The following GLIS3 variants were observed in gnomAD, a reference collection of about 807,000 sequenced individuals.
GLIS3 encodes the protein GLIS family zinc finger 3.
In GLIS3, 53 loss-of-function variants were observed where a neutral mutation model predicts 78.6. The ratio of observed to expected loss-of-function variants is 0.67; its 90% CI spans 0.54 to 0.85. The LOEUF is 0.85. Ranked by LOEUF, GLIS3 falls within the 40% of genes least tolerant of loss-of-function variation. The pLI is 0.00. For synonymous variants in GLIS3, 684 were observed against 509.9 expected (o/e 1.34, Z -4.60); for missense variants, 1,703 against 1,231.1 (o/e 1.38, Z -5.74).
At chr9:3,953,040 G>A (rs1371170294) in intron 4 of GLIS3, among the ~76,000 whole-genome samples, 2 of 152,128 alleles carry the variant, frequency 1.3e-5, no homozygotes, top group Non-Finnish European at 2.9e-5. Context: ...ATGTATTCTT[G>A]GGCTGGTGAA....
intron 2 of GLIS3, among the ~76,000 whole-genome samples, chr9:4,195,409 C>G (rs1054147184): frequency 6.6e-6 from 1 of 152,322 alleles, no homozygotes; most frequent in African/African-American, 2.4e-5. Flanking sequence ...GCCGGTGCCA[C>G]CGGCCCCAGA....
the GLIS3 span, among the ~76,000 whole-genome samples, chr9:4,477,003 G>T: frequency 6.6e-6 from 1 of 152,048 alleles, no homozygotes; most frequent in East Asian, 1.9e-4. Context: ...AAACAGTACG[G>T]CAGTTCCTCA....
intron 6 of GLIS3, among the ~76,000 whole-genome samples, chr9:3,924,056 C>A (rs919045144): frequency 2.0e-5 from 3 of 152,224 alleles, no homozygotes; most frequent in African/African-American, 7.2e-5. Context: ...AAGTCAATAA[C>A]CCCTGAATAT....
chr9:4,112,406 C>G (rs138577122), intron 4 of GLIS3, among the ~76,000 whole-genome samples: 1 of 152,208 alleles, frequency 6.6e-6, no homozygotes, highest in African/African-American at 2.4e-5. Flanking sequence ...ATCCCTGCAT[C>G]TTAACAGAAG....
At chr9:3,956,030 A>C (rs1349826929) in intron 4 of GLIS3, among the ~76,000 whole-genome samples, 2 of 57,028 alleles carry the variant, frequency 3.5e-5, no homozygotes, top group Non-Finnish European at 7.6e-5. Flanking sequence ...AGATTCAGCA[A>C]AAAAAAAAAA....
At chr9:3,858,890 C>T (rs914149658) in intron 8 of GLIS3, among the ~76,000 whole-genome samples, 2 of 152,096 alleles carry the variant, frequency 1.3e-5, no homozygotes, top group Admixed American at 6.6e-5. Context: ...CAGATAGAAT[C>T]CATTTTGTTA....
intron 4 of GLIS3, among the ~76,000 whole-genome samples, chr9:4,009,867 T>C (rs1469740540): frequency 1.3e-5 from 2 of 152,166 alleles, no homozygotes; most frequent in African/African-American, 4.8e-5. Context: ...AGGAGGGGTC[T>C]GGCCGCCCCG....
At chr9:4,153,590 G>A (rs1337949595) in intron 2 of GLIS3, among the ~76,000 whole-genome samples, 1 of 152,128 alleles carries the variant, frequency 6.6e-6, no homozygotes, top group Non-Finnish European at 1.5e-5. Context: ...GTGGAACACA[G>A]AAGGAAGACT....
rs3061609 is a variant in GLIS3 at position 3,951,841 on chromosome 9, AACACACACACAC to A, written c.1711-14664_1711-14653del. Among the ~76,000 whole-genome samples, 405 of 130,616 alleles carry A rather than the reference AACACACACACAC, an allele frequency of 3.1e-3. 1 individual carries two copies. Among genetic ancestry groups the A allele is most frequent in the African/African-American group, 0.01 (355 of 34,280 alleles). The allele number at this position is 130,616 out of a possible 152,430, so 85.7% of individuals were successfully genotyped here. A position where few individuals can be genotyped will look rare whatever the true frequency, so the allele number is the denominator to read the frequency against. On this transcript the variant is annotated intron_variant, in intron 4 of 10. Transcript: ENST00000381971. The stretch of plus-strand genomic sequence containing the variant: ...AGAGAGAAAGAGAGGAATAAGCATG[AACACACACACAC>A]ACACACACACACACACACACACACA...
chr9:4,194,012 A>C (rs1415452093), intron 2 of GLIS3, among the ~76,000 whole-genome samples: 2 of 152,132 alleles, frequency 1.3e-5, no homozygotes, highest in African/African-American at 2.4e-5. Flanking sequence ...GTGGCTGCTG[A>C]TGTTTATTAC....
At chr9:4,047,735 G>A (rs535446061) in intron 4 of GLIS3, among the ~76,000 whole-genome samples, 1 of 152,252 alleles carries the variant, frequency 6.6e-6, no homozygotes, top group African/African-American at 2.4e-5. Flanking sequence ...CCCCATGCCA[G>A]CACAGAAAAG....
the GLIS3 span, among the ~76,000 whole-genome samples, chr9:4,402,000 T>C: frequency 6.6e-6 from 1 of 151,922 alleles, no homozygotes; most frequent in Admixed American, 6.6e-5. Context: ...ACTGCCAAGG[T>C]TTTTTGCTCC....
intron 4 of GLIS3, among the ~76,000 whole-genome samples, chr9:4,114,857 G>C (rs1340891775): frequency 1.3e-5 from 2 of 151,388 alleles, no homozygotes; most frequent in Non-Finnish European, 2.9e-5. Flanking sequence ...AAAAGGAAAA[G>C]AACCCATTCT....
chr9:4,049,783 C>A (rs987938508), intron 4 of GLIS3, among the ~76,000 whole-genome samples: 3 of 152,110 alleles, frequency 2.0e-5, no homozygotes, highest in African/African-American at 7.2e-5. Flanking sequence ...AAAAAGTGGG[C>A]AAAGGATATG....
the GLIS3 span, among the ~76,000 whole-genome samples, chr9:4,373,396 A>AG: frequency 2.0e-5 from 3 of 152,196 alleles, no homozygotes; most frequent in Non-Finnish European, 4.4e-5. Flanking sequence ...TGGGAGTAGT[A>AG]GGGGATGCGG....
chr9:3,888,178 T>C (rs982987597), intron 7 of GLIS3, among the ~76,000 whole-genome samples: 27 of 152,138 alleles, frequency 1.8e-4, no homozygotes, highest in Non-Finnish European at 4.0e-4. Flanking sequence ...TCCTGGAAGT[T>C]CTTACAGAAA....
At chr9:4,206,980 A>T (rs1162087178) in intron 2 of GLIS3, among the ~76,000 whole-genome samples, 1 of 152,182 alleles carries the variant, frequency 6.6e-6, no homozygotes, top group African/African-American at 2.4e-5. Context: ...ACTGACGCCA[A>T]ATACATATTT....
At chr9:3,981,273 C>G (rs957503493) in intron 4 of GLIS3, among the ~76,000 whole-genome samples, 1 of 152,162 alleles carries the variant, frequency 6.6e-6, no homozygotes, top group African/African-American at 2.4e-5. Context: ...GAATATTGCA[C>G]TATACATGAA....
chr9:4,317,073 C>A (rs1817447693), intron 2 of GLIS3, among the ~76,000 whole-genome samples: 1 of 152,134 alleles, frequency 6.6e-6, no homozygotes, highest in Non-Finnish European at 1.5e-5. Context: ...TTGAGCAGGG[C>A]ACTTAGAGTA....
Sources: gnomAD v4.1 joint callset for allele counts (sites outside exome capture counted in the v4.1 genomes callset) on GRCh38, gnomAD v4.1.1 for gene constraint, MANE v1.5 for transcripts, NCBI Gene and HGNC (gene_info 2026-07-23, HGNC 2026-07-21) for gene names.